The following CD38 variants were observed in gnomAD, a reference collection of about 807,000 sequenced individuals.
CD38 encodes the protein ADP-ribosyl cyclase/cyclic ADP-ribose hydrolase 1.
Under a neutral mutation model 36.3 loss-of-function variants are expected in CD38, and 31 were observed. That is an observed-to-expected ratio of 0.85 (90% confidence interval 0.64 to 1.15). CD38 has a LOEUF of 1.15. Ranked by LOEUF, CD38 falls within the 50% of genes most tolerant of loss-of-function variation. CD38 has a pLI of 0.00. For synonymous variants in CD38, 131 were observed against 135.2 expected (o/e 0.97, Z 0.22); for missense variants, 380 against 371.9 (o/e 1.02, Z -0.18).
chr4:15,827,606 T>C (rs569723547), intron 3 of CD38, among the ~76,000 whole-genome samples: 2 of 152,292 alleles, frequency 1.3e-5, no homozygotes, highest in African/African-American at 4.8e-5. Flanking sequence ...GACTGTTTTA[T>C]TGGTCATTCA....
Position 15,849,899 on chromosome 4 carries a change from CTCT to C in CD38, c.*1299_*1301del. Reference sequence around the variant, plus strand: ...CCCTTGAGTTCTGCTTTAGCTGCAGCTCTTATGTTTTGATATGCCTCTCTTTAT... The same window carrying C: ...CCCTTGAGTTCTGCTTTAGCTGCAGCTATGTTTTGATATGCCTCTCTTTAT... On this transcript the variant is annotated 3_prime_UTR_variant, in exon 8 of 8. Transcript: ENST00000226279. The C allele has an allele frequency of 6.6e-6, 1 of 152,256 alleles. No homozygotes were observed. The highest frequency in any genetic ancestry group is 1.9e-4 in the East Asian group (1 of 5,180). The allele number at this position is 152,256 out of a possible 1,614,324, so 9.4% of individuals were successfully genotyped here.
chr4:15,835,363 C>CTTTTTTTT (rs35143834), intron 4 of CD38, among the ~76,000 whole-genome samples: 3 of 57,668 alleles, frequency 5.2e-5, no homozygotes, highest in Non-Finnish European at 1.1e-4. Context: ...GACAGGAATA[C>CTTTTTTTT]TTTTTTTTTT....
chr4:15,800,593 G>A (rs890766396), intron 1 of CD38, among the ~76,000 whole-genome samples: 1 of 152,024 alleles, frequency 6.6e-6, no homozygotes, highest in Non-Finnish European at 1.5e-5. Flanking sequence ...TGAAGTATGT[G>A]TTCAAATCTT....
chr4:15,849,132 G>T lies in CD38; in HGVS notation c.*530G>T, dbSNP rs1724333252. The T allele has an allele frequency of 6.6e-6, 1 of 152,342 alleles. No homozygotes were observed. The highest frequency in any genetic ancestry group is 6.5e-5 in the Admixed American group (1 of 15,296). The allele number at this position is 152,342 out of a possible 1,614,324, so 9.4% of individuals were successfully genotyped here. ...AGGATATAAGCTACCCACGTACTTGGTGCTTTACCCCAACCCTTCCAACAG... is the reference window on the plus strand; with the variant it reads ...AGGATATAAGCTACCCACGTACTTGTTGCTTTACCCCAACCCTTCCAACAG... On this transcript the variant is annotated 3_prime_UTR_variant, in exon 8 of 8. Transcript: ENST00000226279.
intron 1 of CD38, among the ~76,000 whole-genome samples, chr4:15,787,557 G>C (rs1722865411): frequency 6.6e-6 from 1 of 152,168 alleles, no homozygotes; most frequent in Non-Finnish European, 1.5e-5. Context: ...AGGGTCACTG[G>C]CCTCCTTTTA....
chr4:15,786,199 G>A (rs972784696), intron 1 of CD38, among the ~76,000 whole-genome samples: 13 of 151,960 alleles, frequency 8.6e-5, no homozygotes, highest in African/African-American at 2.9e-4. Flanking sequence ...GTGTAGAACG[G>A]GACGCCAATG....
At chr4:15,818,606 C>T (rs771246778) in intron 2 of CD38, among the ~76,000 whole-genome samples, 7 of 152,284 alleles carry the variant, frequency 4.6e-5, no homozygotes, top group Admixed American at 6.5e-5. Flanking sequence ...AGGAGAGCTC[C>T]GGCTGGCATC....
intron 1 of CD38, among the ~76,000 whole-genome samples, chr4:15,802,491 G>GTTTTA (rs56373639): frequency 0.11 from 14,575 of 133,920 alleles, 1,125 homozygotes; most frequent in East Asian, 0.34. Context: ...GCAATTGTTT[G>GTTTTA]TTTTATTTTA....
intron 1 of CD38, among the ~76,000 whole-genome samples, chr4:15,783,905 G>A (rs139744290): frequency 2.0e-5 from 3 of 152,300 alleles, no homozygotes; most frequent in East Asian, 3.9e-4. Context: ...TACAACATGA[G>A]CAAAACAGCA....
At chr4:15,781,094 A>AAAACC (rs946303285) in intron 1 of CD38, among the ~76,000 whole-genome samples, 1 of 152,188 alleles carries the variant, frequency 6.6e-6, no homozygotes. Flanking sequence ...ACTCCGTCTC[A>AAAACC]AAACCAAACC....
In CD38 at chr4:15,852,962, C is replaced by T. The variant is rs954478025; in HGVS notation, c.*4360C>T. 1 of 152,204 alleles carries T rather than the reference C, an allele frequency of 6.6e-6. No individual in the cohort carries two copies. The highest frequency in any genetic ancestry group is 1.5e-5 in the Non-Finnish European group (1 of 68,100). The allele number at this position is 152,204 out of a possible 1,614,324, so 9.4% of individuals were successfully genotyped here. ...AGTAGCTGGGACTGCAGGCGCCCGC[C>T]ATCTCGCCCGGCTAATTTTTTGTAT... On this transcript the variant is annotated 3_prime_UTR_variant, in exon 8 of 8. Coordinates refer to ENST00000226279, the MANE Select transcript of CD38 (RefSeq NM_001775.4).
chr4:15,785,512 G>T (rs771100128), intron 1 of CD38, among the ~76,000 whole-genome samples: 31 of 151,150 alleles, frequency 2.1e-4, no homozygotes, highest in Non-Finnish European at 4.1e-4. Context: ...AGCAGTGGTG[G>T]TGTTCAGCCT....
chr4:15,780,221 A>C (rs1397677599), intron 1 of CD38, among the ~76,000 whole-genome samples: 3 of 152,192 alleles, frequency 2.0e-5, no homozygotes, highest in African/African-American at 7.2e-5. Flanking sequence ...AATTCCAGGT[A>C]TTCCATATAT....
intron 1 of CD38, among the ~76,000 whole-genome samples, chr4:15,795,356 C>T (rs1475847085): frequency 2.0e-5 from 3 of 151,740 alleles, no homozygotes; most frequent in Admixed American, 6.6e-5. Flanking sequence ...CAAATGTCTA[C>T]TCTGGAAATA....
In CD38 at chr4:15,778,504, C is replaced by G. The variant is rs756650552; in HGVS notation, c.90C>G (p.Ile30Met). ...RRAQLCLGVSILVLILVVVLA... is the reference protein window; with the variant it reads ...RRAQLCLGVSMLVLILVVVLA... Reference sequence around the variant, plus strand: ...CCCAACTCTGTCTTGGCGTCAGTATCCTGGTCCTGATCCTCGTCGTGGTGC... The same window carrying G: ...CCCAACTCTGTCTTGGCGTCAGTATGCTGGTCCTGATCCTCGTCGTGGTGC... The change falls in exon 1 of 8, where the codon ATC becomes ATG. Residue 30 changes from isoleucine (I) to methionine (M), a missense_variant. By Grantham distance (10) the Ile-to-Met change is conservative. Coordinates refer to ENST00000226279, the MANE Select transcript of CD38 (RefSeq NM_001775.4). This position sits in a 1 kb window ranked among gnomAD's most constrained non-coding sequence, Gnocchi z 4.9. 6.2e-7 allele frequency: 1 copy of G among 1,613,866 alleles called. No homozygotes were observed. The highest frequency in any genetic ancestry group is 8.5e-7 in the Non-Finnish European group (1 of 1,179,986).
rs1245082132 is a variant in CD38 at position 15,852,637 on chromosome 4, A to G, written c.*4035A>G. 6.6e-6 allele frequency: 1 copy of G among 152,112 alleles called. No homozygotes were observed. The highest frequency in any genetic ancestry group is 1.5e-5 in the Non-Finnish European group (1 of 68,006). The allele number at this position is 152,112 out of a possible 1,614,324, so 9.4% of individuals were successfully genotyped here. A position where few individuals can be genotyped will look rare whatever the true frequency, so the allele number is the denominator to read the frequency against. ...TTTTTCTTTGAATAACAGAGCAATT[A>G]ATTTACTTTTACTATGAAGAGTCAT... On this transcript the variant is annotated 3_prime_UTR_variant, in exon 8 of 8. Transcript: ENST00000226279.
intron 1 of CD38, among the ~76,000 whole-genome samples, chr4:15,790,705 G>T (rs1460292028): frequency 6.6e-6 from 1 of 151,532 alleles, no homozygotes; most frequent in Non-Finnish European, 1.5e-5. Context: ...GTCTCTGCCC[G>T]GCCGCCATCC....
intron 1 of CD38, among the ~76,000 whole-genome samples, chr4:15,790,543 C>T (rs2148915466): frequency 6.6e-6 from 1 of 152,228 alleles, no homozygotes; most frequent in South Asian, 2.1e-4. Flanking sequence ...CACCTCCCAG[C>T]CGCCTGCCTT....
chr4:15,814,014 G>A (rs888891486), intron 1 of CD38, among the ~76,000 whole-genome samples: 1 of 152,126 alleles, frequency 6.6e-6, no homozygotes, highest in Non-Finnish European at 1.5e-5. Context: ...GATCCTTGAG[G>A]AATCGCCACA....
Sources: gnomAD v4.1 joint callset for allele counts (sites outside exome capture counted in the v4.1 genomes callset) on GRCh38, gnomAD v4.1.1 for gene constraint, Gnocchi (gnomAD v3.1) non-coding constraint, MANE v1.5 for transcripts, NCBI Gene and HGNC (gene_info 2026-07-23, HGNC 2026-07-21) for gene names.